The following STRA6 variants were observed in gnomAD, a reference collection of about 807,000 sequenced individuals.
STRA6 encodes signaling receptor and transporter of retinol STRA6.
STRA6 carries 48 observed loss-of-function variants against 83.6 expected under a neutral mutation model. That is an observed-to-expected ratio of 0.57 (90% confidence interval 0.46 to 0.73). The LOEUF is 0.73. Ranked by LOEUF, STRA6 falls within the 30% of genes least tolerant of loss-of-function variation. The probability of loss-of-function intolerance (pLI) is 0.00; values close to 1 mark genes in which losing one functional copy is unlikely to be tolerated. For synonymous variants in STRA6, 353 were observed against 362.3 expected (o/e 0.97, Z 0.29); for missense variants, 760 against 838.8 (o/e 0.91, Z 1.16).
chr15:74,210,839 A>G (rs2074356373), upstream of STRA6, among the ~76,000 whole-genome samples: 1 of 152,184 alleles, frequency 6.6e-6, no homozygotes, highest in South Asian at 2.1e-4. Flanking sequence ...GTTCTCAAAA[A>G]GAGAGGTGTT....
At chr15:74,197,454 G>A (rs1401005072) in intron 3 of STRA6, 31 bp from the exon 4 acceptor site, 12 of 1,526,684 alleles carry the variant, frequency 7.9e-6, no homozygotes, top group Non-Finnish European at 2.7e-6. Flanking sequence ...AGGGCTTGGG[G>A]TGCCCAGGCC....
chr15:74,197,530 C>T, intron 3 of STRA6, 107 bp from the exon 4 acceptor site: 2 of 1,129,828 alleles, frequency 1.8e-6, no homozygotes, highest in South Asian at 1.3e-5. Context: ...CTGCCCAGTG[C>T]ACACTCATGT....
chr15:74,192,369 T>C (rs560685678), intron 8 of STRA6, among the ~76,000 whole-genome samples: 2 of 152,186 alleles, frequency 1.3e-5, no homozygotes, highest in African/African-American at 4.8e-5. Flanking sequence ...TTGGCCTCAA[T>C]AGGCAGGAGC....
chr15:74,196,224 T>C, intron 4 of STRA6, 77 bp from the exon 5 acceptor site: 1 of 1,584,242 alleles, frequency 6.3e-7, no homozygotes. Context: ...CTGTATTCCA[T>C]AAATCAAGGA....
rs201627246 is a variant in STRA6, at chr15:74,180,183, C to T, written c.1901G>A (p.Arg634His). The change falls in exon 19 of 19, where the codon CGC becomes CAC. Residue 634 changes from arginine to histidine, a missense_variant. Physicochemically the swap from Arg to His is conservative, Grantham distance 29. Coordinates refer to ENST00000395105, the MANE Select transcript of STRA6 (RefSeq NM_022369.4). ...GGCCAGACCCCAGCGAGCCCTGCCG[C>T]GGCTGGCCCCGGGCCTAGCTCCCTT... ...MAKGARPGAS[R>H]GRARWGLAYT... 7 of 1,613,974 alleles carry T rather than the reference C, an allele frequency of 4.3e-6. No individual in the cohort carries two copies. The highest frequency in any genetic ancestry group is 2.2e-5 in the East Asian group (1 of 44,876).
At position 74,191,172 on chromosome 15, in the gene STRA6, T is replaced by C; in HGVS notation, c.860A>G (p.Gln287Arg). 6.2e-7 allele frequency: 1 copy of C among 1,613,990 alleles called. No individual in the cohort carries two copies. The highest frequency in any genetic ancestry group is 8.5e-7 in the Non-Finnish European group (1 of 1,179,960). The change falls in exon 10 of 19, where the codon CAG becomes CGG. Residue 287 changes from glutamine (Q) to arginine (R), a missense_variant. Coordinates refer to ENST00000395105, the MANE Select transcript of STRA6 (RefSeq NM_022369.4). Reference protein sequence around the residue: ...VCLRHCIYTPQPGFHLPLKLV... With the variant: ...VCLRHCIYTPRPGFHLPLKLV... ...CTCAGCTCCCAACCCCATACCTGGCTGTGGAGTGTAGATGCAGTGTCTCAA... is the reference window on the plus strand; with the variant it reads ...CTCAGCTCCCAACCCCATACCTGGCCGTGGAGTGTAGATGCAGTGTCTCAA...
chr15:74,211,153 G>GCACA (rs71137380), upstream of STRA6, among the ~76,000 whole-genome samples: 17 of 148,682 alleles, frequency 1.1e-4, no homozygotes, highest in African/African-American at 2.5e-4. Context: ...GCACGCACAC[G>GCACA]CACACACACA....
intron 18 of STRA6, 152 bp from the exon 19 acceptor site, chr15:74,180,395 G>A (rs956824090): frequency 2.0e-6 from 2 of 988,750 alleles, no homozygotes; most frequent in African/African-American, 1.6e-5. Context: ...GAAGTGGGGG[G>A]TGAGGTCTGT....
intron 8 of STRA6, chr15:74,191,914 C>G (rs2073562733): frequency 3.2e-6 from 1 of 312,366 alleles, no homozygotes; most frequent in African/African-American, 2.1e-5. Context: ...GGTCAGACAC[C>G]CTCAGGCTTC....
upstream of STRA6, among the ~76,000 whole-genome samples, chr15:74,203,995 C>G (rs536807761): frequency 1.3e-4 from 20 of 152,188 alleles, no homozygotes; most frequent in Non-Finnish European, 2.8e-4. Flanking sequence ...CCTGGAGGCT[C>G]TCTTTCAAAT....
At chr15:74,190,371 G>A (rs1446698224) in intron 11 of STRA6, among the ~76,000 whole-genome samples, 2 of 151,744 alleles carry the variant, frequency 1.3e-5, no homozygotes, top group African/African-American at 2.4e-5. Context: ...GTAAAGTGGA[G>A]AATAATCATA....
At chr15:74,197,278 C>T in intron 4 of STRA6, 60 bp downstream of exon 4, 1 of 1,285,524 alleles carries the variant, frequency 7.8e-7, no homozygotes, top group Non-Finnish European at 1.1e-6. Context: ...CACCCACCCT[C>T]CCAGAGGGAC....
intron 16 of STRA6, among the ~76,000 whole-genome samples, chr15:74,181,660 G>A (rs2072996890): frequency 6.6e-6 from 1 of 152,160 alleles, no homozygotes; most frequent in South Asian, 2.1e-4. Context: ...GAGGCCCAGA[G>A]AGATTGGGAG....
chr15:74,187,157 T>A (rs988491122), intron 12 of STRA6, among the ~76,000 whole-genome samples: 5 of 152,238 alleles, frequency 3.3e-5, no homozygotes, highest in Non-Finnish European at 7.3e-5. Flanking sequence ...GTGTACAGGC[T>A]AACACAGGGT....
chr15:74,186,822 C>T (rs1414558680), intron 12 of STRA6, among the ~76,000 whole-genome samples: 2 of 152,148 alleles, frequency 1.3e-5, no homozygotes, highest in African/African-American at 4.8e-5. Flanking sequence ...AGGCTGGGCC[C>T]CACTCTGAGA....
chr15:74,210,749 C>G (rs964389231), upstream of STRA6, among the ~76,000 whole-genome samples: 8 of 152,214 alleles, frequency 5.3e-5, no homozygotes, highest in Admixed American at 4.6e-4. Context: ...CCCAGTCTCC[C>G]TTGAAGCTAG....
Position 74,188,994 on chromosome 15 carries a change from G to A in STRA6, c.1090+121C>T. ...TTGGAGATGAGGCAATCGAGACCCA[G>A]AGAGAGGAAGGAATGTGTCCAAGGG... is the stretch of plus-strand genomic sequence containing the variant. On this transcript the variant is annotated intron_variant, in intron 12 of 18. Transcript: ENST00000395105. This position sits in a 1 kb window ranked among gnomAD's most constrained non-coding sequence, Gnocchi z 4.5. 8.1e-7 allele frequency: 1 copy of A among 1,240,156 alleles called. No individual in the cohort carries two copies. Among genetic ancestry groups the A allele is most frequent in the Non-Finnish European group, 1.1e-6 (1 of 879,058 alleles). The allele number at this position is 1,240,156 out of a possible 1,614,324, so 76.8% of individuals were successfully genotyped here.
At chr15:74,196,547 C>A (rs999711775) in intron 4 of STRA6, among the ~76,000 whole-genome samples, 1 of 152,214 alleles carries the variant, frequency 6.6e-6, no homozygotes, top group Non-Finnish European at 1.5e-5. Context: ...GGGCAGACAG[C>A]GGGCATAGCT....
chr15:74,195,548 T>G (rs2073771894), intron 6 of STRA6, 80 bp from the exon 7 acceptor site: 1 of 1,583,300 alleles, frequency 6.3e-7, no homozygotes, highest in East Asian at 2.3e-5. Flanking sequence ...AGGCCTCTCT[T>G]CGGTCTCCAG....
Sources: gnomAD v4.1 joint callset for allele counts (sites outside exome capture counted in the v4.1 genomes callset) on GRCh38, gnomAD v4.1.1 for gene constraint, Gnocchi (gnomAD v3.1) non-coding constraint, MANE v1.5 for transcripts, NCBI Gene and HGNC (gene_info 2026-07-23, HGNC 2026-07-21) for gene names.